The following WFDC9 variants were observed in gnomAD, a reference collection of about 807,000 sequenced individuals.
WFDC9 encodes WAP four-disulfide core domain 9, also known as protein WFDC9.
In WFDC9, 9 loss-of-function variants were observed where a neutral mutation model predicts 9.5. That is an observed-to-expected ratio of 0.95 (90% CI 0.57 to 1.65). The LOEUF (loss-of-function observed/expected upper bound fraction) is 1.65. Ranked by LOEUF, WFDC9 falls within the 40% of genes most tolerant of loss-of-function variation. The probability of loss-of-function intolerance (pLI) is 0.00; values close to 1 mark genes in which losing one functional copy is unlikely to be tolerated. For synonymous variants in WFDC9, 33 were observed against 32.3 expected (o/e 1.02, Z -0.07); for missense variants, 87 against 106.7 (o/e 0.82, Z 0.81).
intron 2 of WFDC9, among the ~76,000 whole-genome samples, chr20:45,614,013 A>G (rs1397946383): frequency 6.6e-6 from 1 of 152,188 alleles, no homozygotes; most frequent in Non-Finnish European, 1.5e-5. Context: ...AATCCAAAGC[A>G]TTGGATTCCA....
intron 3 of WFDC9, 80 bp downstream of exon 3, chr20:45,610,011 T>G (rs1226808870): frequency 8.8e-7 from 1 of 1,136,622 alleles, no homozygotes; most frequent in Admixed American, 2.1e-5. Context: ...AGCCTGATTC[T>G]TGACATGCAG....
chr20:45,615,555 C>T (rs187988542), intron 1 of WFDC9, among the ~76,000 whole-genome samples: 9 of 152,204 alleles, frequency 5.9e-5, no homozygotes, highest in African/African-American at 2.2e-4. Context: ...TAAAGTGAGC[C>T]AAGTGCACTT....
At chr20:45,618,971 G>A (rs1428662777) in intron 1 of WFDC9, among the ~76,000 whole-genome samples, 1 of 152,154 alleles carries the variant, frequency 6.6e-6, no homozygotes, top group Non-Finnish European at 1.5e-5. Flanking sequence ...AATGAGATAT[G>A]CCTGTATGTT....
At chr20:45,617,621 A>C (rs537720308) in intron 1 of WFDC9, among the ~76,000 whole-genome samples, 8 of 152,142 alleles carry the variant, frequency 5.3e-5, no homozygotes, top group Non-Finnish European at 8.8e-5. Flanking sequence ...CATCCTCCCG[A>C]GTAGCTAGGA....
chr20:45,624,761 G>A (rs976450485), intron 1 of WFDC9, among the ~76,000 whole-genome samples: 3 of 152,110 alleles, frequency 2.0e-5, no homozygotes, highest in Non-Finnish European at 4.4e-5. Flanking sequence ...TTATTGTAGC[G>A]ATCCTGACTG....
chr20:45,615,582 C>A (rs1981955360), intron 1 of WFDC9, among the ~76,000 whole-genome samples: 1 of 152,086 alleles, frequency 6.6e-6, no homozygotes, highest in South Asian at 2.1e-4. Flanking sequence ...TTTCCCAGTG[C>A]ATATGAAAAG....
At chr20:45,620,402 G>A (rs954755038) in intron 1 of WFDC9, among the ~76,000 whole-genome samples, 1 of 152,100 alleles carries the variant, frequency 6.6e-6, no homozygotes, top group Non-Finnish European at 1.5e-5. Flanking sequence ...GACCAGCCTG[G>A]CCAACATGGA....
intron 3 of WFDC9, 33 bp downstream of exon 3, chr20:45,610,058 G>A (rs375307657): frequency 1.6e-5 from 26 of 1,587,498 alleles, no homozygotes; most frequent in Non-Finnish European, 2.2e-5. Flanking sequence ...CCAGGACTGG[G>A]CAGAGCACCC....
chr20:45,616,895 A>C (rs950824169), intron 1 of WFDC9, among the ~76,000 whole-genome samples: 1 of 152,206 alleles, frequency 6.6e-6, no homozygotes, highest in Non-Finnish European at 1.5e-5. Flanking sequence ...GGGCTCTAAG[A>C]TTTTTGAAAT....
chr20:45,630,020 C>T, intron 1 of WFDC9: 1 of 1,411,336 alleles, frequency 7.1e-7, no homozygotes, highest in Non-Finnish European at 9.6e-7. Flanking sequence ...CAGCTCTGAC[C>T]ACAATGTTGT....
intron 2 of WFDC9, among the ~76,000 whole-genome samples, chr20:45,611,296 G>A (rs1233795348): frequency 6.6e-6 from 1 of 152,114 alleles, no homozygotes; most frequent in African/African-American, 2.4e-5. Context: ...GTGGTGGGAG[G>A]CGGGGGAGAG....
chr20:45,629,580 A>T (rs1351797499), intron 1 of WFDC9: 5 of 397,596 alleles, frequency 1.3e-5, no homozygotes, highest in Non-Finnish European at 1.8e-5. Flanking sequence ...AAGACTGGTT[A>T]TGTGAAAGGA....
At chr20:45,615,220 C>T (rs962973789) in intron 1 of WFDC9, among the ~76,000 whole-genome samples, 1 of 152,152 alleles carries the variant, frequency 6.6e-6, no homozygotes, top group East Asian at 1.9e-4. Context: ...AAGGAAGCGA[C>T]GTGACCAAAT....
At position 45,608,680 on chromosome 20, in the gene WFDC9, G is replaced by A. The variant is rs11699641; in HGVS notation, c.222C>T (p.Asn74=). Residue 74 remains asparagine (N), a synonymous_variant, in exon 4 of 5, where the codon AAC becomes AAT. Coordinates refer to ENST00000326000, the MANE Select transcript of WFDC9 (RefSeq NM_147198.4). ...CAACTCACTCGTTGTCTAAGCAGATGTTTCCACAGTAGGTCCAGCAGCATG... is the reference window on the plus strand; with the variant it reads ...CAACTCACTCGTTGTCTAAGCAGATATTTCCACAGTAGGTCCAGCAGCATG... The part of the protein sequence containing the change: ...NHTCCWTYCG[N]ICLDNEEPLK... The A allele has an allele frequency of 2.4e-3, 3,849 of 1,613,286 alleles. 11 individuals carry two copies. The highest frequency in any genetic ancestry group is 2.8e-3 in the Non-Finnish European group (3,326 of 1,179,516).
At chr20:45,627,158 T>C (rs907415955) in intron 1 of WFDC9, among the ~76,000 whole-genome samples, 2 of 152,194 alleles carry the variant, frequency 1.3e-5, no homozygotes, top group African/African-American at 4.8e-5. Context: ...TGCATTCGTA[T>C]GATAAATCCC....
At chr20:45,619,907 T>C (rs941903388) in intron 1 of WFDC9, among the ~76,000 whole-genome samples, 8 of 152,026 alleles carry the variant, frequency 5.3e-5, no homozygotes, top group African/African-American at 1.9e-4. Context: ...GTGCCTATAA[T>C]CCCAGCTACT....
At chr20:45,621,134 T>C (rs1982088568) in intron 1 of WFDC9, among the ~76,000 whole-genome samples, 1 of 152,236 alleles carries the variant, frequency 6.6e-6, no homozygotes, top group Non-Finnish European at 1.5e-5. Context: ...TATTGTATTC[T>C]GATCCCTTAG....
At chr20:45,609,718 G>T (rs538315295) in intron 3 of WFDC9, among the ~76,000 whole-genome samples, 1 of 151,986 alleles carries the variant, frequency 6.6e-6, no homozygotes, top group African/African-American at 2.4e-5. Context: ...CTAAATTAAC[G>T]TGTTAAATAT....
At chr20:45,624,607 T>C (rs1982175990) in intron 1 of WFDC9, among the ~76,000 whole-genome samples, 1 of 152,202 alleles carries the variant, frequency 6.6e-6, no homozygotes, top group Admixed American at 6.5e-5. Flanking sequence ...CATATGGTAG[T>C]GGAGTTCTAT....
Sources: allele counts gnomAD v4.1 joint callset (sites outside exome capture counted in the v4.1 genomes callset), GRCh38; gene constraint gnomAD v4.1.1; transcripts MANE v1.5; gene names NCBI Gene and HGNC (gene_info 2026-07-23, HGNC 2026-07-21).